The following LRRC2 variants were observed in gnomAD, a reference collection of about 807,000 sequenced individuals.
LRRC2 encodes leucine-rich repeat-containing protein 2.
In LRRC2, 27 loss-of-function variants were observed where a neutral mutation model predicts 40.2. That is an observed-to-expected ratio of 0.67 (90% CI 0.49 to 0.93). The LOEUF (loss-of-function observed/expected upper bound fraction) is 0.93, where lower values mean the gene tolerates loss of function less well. Among genes scored for constraint, LRRC2 ranks in the 40% least tolerant of loss-of-function variants. The probability of loss-of-function intolerance (pLI) is 0.00; values close to 1 mark genes in which losing one functional copy is unlikely to be tolerated. For missense variants in LRRC2, 402 were observed against 439.6 expected, an observed-to-expected ratio of 0.91 and a Z score of 0.76; for synonymous variants, 147 against 158.9, an observed-to-expected ratio of 0.92 and a Z score of 0.56.
At chr3:46,539,915 A>G (rs1704348260) in intron 3 of LRRC2, among the ~76,000 whole-genome samples, 1 of 152,022 alleles carries the variant, frequency 6.6e-6, no homozygotes, top group South Asian at 2.1e-4. Flanking sequence ...CCGAGCCCCC[A>G]TTGCAGGTGA....
At chr3:46,535,882 C>A (rs1247213808) in intron 4 of LRRC2, among the ~76,000 whole-genome samples, 1 of 152,122 alleles carries the variant, frequency 6.6e-6, no homozygotes, top group Non-Finnish European at 1.5e-5. Flanking sequence ...TATGTATTAT[C>A]TATTTAATCC....
At chr3:46,525,419 T>C (rs1373274508) in intron 7 of LRRC2, among the ~76,000 whole-genome samples, 2 of 152,082 alleles carry the variant, frequency 1.3e-5, no homozygotes, top group African/African-American at 4.8e-5. Context: ...CCTGGCTAAT[T>C]TCTTAATTTT....
At chr3:46,560,635 T>C (rs1237872650) in intron 1 of LRRC2, among the ~76,000 whole-genome samples, 1 of 152,210 alleles carries the variant, frequency 6.6e-6, no homozygotes, top group Non-Finnish European at 1.5e-5. Flanking sequence ...CTCGTTGAAT[T>C]TGACAGCAAA....
intron 1 of LRRC2, among the ~76,000 whole-genome samples, chr3:46,565,533 C>T (rs1375959048): frequency 6.6e-6 from 1 of 152,208 alleles, no homozygotes; most frequent in Non-Finnish European, 1.5e-5. Context: ...CTCCACCTGG[C>T]ATGATTAGCA....
At chr3:46,527,842 C>G (rs1299963826) in intron 6 of LRRC2, among the ~76,000 whole-genome samples, 1 of 152,076 alleles carries the variant, frequency 6.6e-6, no homozygotes, top group Non-Finnish European at 1.5e-5. Context: ...ATCCTCCCAC[C>G]TCAGACTCCT....
intron 7 of LRRC2, among the ~76,000 whole-genome samples, chr3:46,522,997 G>T (rs1202776432): frequency 6.6e-6 from 1 of 152,180 alleles, no homozygotes; most frequent in Non-Finnish European, 1.5e-5. Flanking sequence ...ATAGATGAGA[G>T]CTGTATATAT....
chr3:46,530,073 T>C (rs1559410529), intron 5 of LRRC2, 23 bp from the exon 6 acceptor site: 1 of 1,573,584 alleles, frequency 6.4e-7, no homozygotes, highest in South Asian at 1.1e-5. Context: ...AACAAAATGT[T>C]CTAATTACTT....
rs1175095782 is a variant in LRRC2 at position 46,517,782 on chromosome 3, G to C, written c.*1232C>G. ...ATGTGACATAAGAGCCCAAAGTCTT[G>C]TAATGAATCCCACCTCTCCCAAATT... On this transcript the variant is annotated 3_prime_UTR_variant, in exon 9 of 9. Transcript: ENST00000395905. 1 of 152,232 alleles carries C rather than the reference G, an allele frequency of 6.6e-6. No individual in the cohort carries two copies. Among genetic ancestry groups the C allele is most frequent in the Non-Finnish European group, 1.5e-5 (1 of 68,046 alleles). The allele number at this position is 152,232 out of a possible 1,614,324, so 9.4% of individuals were successfully genotyped here. A position where few individuals can be genotyped will look rare whatever the true frequency, so the allele number is the denominator to read the frequency against.
At chr3:46,537,658 C>T (rs1704295627) in intron 4 of LRRC2, among the ~76,000 whole-genome samples, 2 of 152,192 alleles carry the variant, frequency 1.3e-5, no homozygotes, top group South Asian at 4.1e-4. Flanking sequence ...ACTTTTCAGT[C>T]ATAGAAATTC....
intron 1 of LRRC2, among the ~76,000 whole-genome samples, chr3:46,556,524 A>ATCACTTG (rs1704799665): frequency 6.7e-6 from 1 of 148,824 alleles, no homozygotes; most frequent in African/African-American, 2.5e-5. Context: ...AGCTTTTTTA[A>ATCACTTG]TCACTTGGTT....
chr3:46,541,316 G>C (rs1338361252), intron 3 of LRRC2, among the ~76,000 whole-genome samples: 1 of 143,120 alleles, frequency 7.0e-6, no homozygotes, highest in African/African-American at 2.6e-5. Flanking sequence ...CTGGGCGACA[G>C]AGCGAGACTC....
chr3:46,541,450 A>G (rs1704390114), intron 3 of LRRC2, among the ~76,000 whole-genome samples: 1 of 152,342 alleles, frequency 6.6e-6, no homozygotes, highest in Admixed American at 6.5e-5. Flanking sequence ...GCTCTTCTCC[A>G]AAATTCCATT....
intron 7 of LRRC2, 100 bp from the exon 8 acceptor site, chr3:46,521,758 T>G (rs1391298725): frequency 8.1e-7 from 1 of 1,237,644 alleles, no homozygotes; most frequent in Non-Finnish European, 1.1e-6. Flanking sequence ...AGTTCTGGCT[T>G]ACCTTTAAAA....
chr3:46,527,672 C>T (rs567779982), intron 6 of LRRC2, 91 bp from the exon 7 acceptor site: 46 of 1,120,680 alleles, frequency 4.1e-5, no homozygotes, highest in Non-Finnish European at 4.7e-5. Context: ...AACAGGAAGT[C>T]CCTACTTTAT....
At chr3:46,560,978 A>G (rs1475744427) in intron 1 of LRRC2, among the ~76,000 whole-genome samples, 1 of 152,188 alleles carries the variant, frequency 6.6e-6, no homozygotes, top group Non-Finnish European at 1.5e-5. Flanking sequence ...AAGGAAAATA[A>G]TGCCTGGAAA....
chr3:46,537,461 C>T (rs1704292080), intron 4 of LRRC2, among the ~76,000 whole-genome samples: 1 of 152,134 alleles, frequency 6.6e-6, no homozygotes, highest in Admixed American at 6.5e-5. Context: ...TTAAATATAC[C>T]ATGAGCTTGC....
In LRRC2 at chr3:46,539,066, A is replaced by G; in HGVS notation, c.469T>C (p.Ser157Pro). ...RILDLPKNQISHLPAEIGCLK... is the reference protein window; with the variant it reads ...RILDLPKNQIPHLPAEIGCLK... The stretch of plus-strand genomic sequence containing the variant: ...ATACCGATTTCTGCTGGAAGATGTG[A>G]GATTTGGTTTTTTGGCAGATCCAGA... Residue 157 changes from serine (S) to proline (P), a missense_variant, in exon 4 of 9, where the codon TCA becomes CCA. Coordinates refer to ENST00000395905, the MANE Select transcript of LRRC2 (RefSeq NM_024512.5). The G allele has an allele frequency of 6.2e-7, 1 of 1,613,800 alleles. No individual in the cohort carries two copies. The highest frequency in any genetic ancestry group is 8.5e-7 in the Non-Finnish European group (1 of 1,179,910).
At chr3:46,558,218 T>C (rs1704854189) in intron 1 of LRRC2, 1 of 152,236 alleles carries the variant, frequency 6.6e-6, no homozygotes, top group African/African-American at 2.4e-5. Context: ...GCCCCTCCAG[T>C]GCCTTCTACT....
At chr3:46,549,285 A>T (rs2107033332) in intron 2 of LRRC2, among the ~76,000 whole-genome samples, 1 of 152,316 alleles carries the variant, frequency 6.6e-6, no homozygotes, top group Middle Eastern at 3.4e-3. Context: ...TTTGAACAGT[A>T]AACAGATCCT....
Sources: gnomAD v4.1 joint callset for allele counts (sites outside exome capture counted in the v4.1 genomes callset) on GRCh38, gnomAD v4.1.1 for gene constraint, MANE v1.5 for transcripts, NCBI Gene and HGNC (gene_info 2026-07-23, HGNC 2026-07-21) for gene names.